The following CNMD variants were observed in gnomAD, a reference collection of about 807,000 sequenced individuals.
CNMD encodes leukocyte cell-derived chemotaxin 1.
CNMD carries 30 observed loss-of-function variants against 37.5 expected under a neutral mutation model. The ratio of observed to expected loss-of-function variants is 0.80; its 90% CI spans 0.60 to 1.09. CNMD has a LOEUF of 1.09. CNMD is among the 50% of genes least tolerant of loss of function. The pLI is 0.00. For synonymous variants in CNMD, 167 were observed against 148.2 expected (o/e 1.13, Z -0.92); for missense variants, 398 against 423.9 (o/e 0.94, Z 0.54).
chr13:52,731,921 G>T (rs192015845), intron 3 of CNMD, among the ~76,000 whole-genome samples: 1 of 152,178 alleles, frequency 6.6e-6, no homozygotes, highest in Non-Finnish European at 1.5e-5. Flanking sequence ...CTTGTGCATT[G>T]AGCAGAATCA....
chr13:52,731,071 G>A (rs1964658259), intron 3 of CNMD, among the ~76,000 whole-genome samples: 1 of 152,072 alleles, frequency 6.6e-6, no homozygotes, highest in African/African-American at 2.4e-5. Flanking sequence ...TTTTCCCTGG[G>A]CCTGGAGAGC....
Position 52,739,198 on chromosome 13 carries a change from G to C in CNMD, c.73-27C>G, listed in dbSNP as rs772439099. ...TGCGGGCCGGGGCGGGAGAGGGACC[G>C]TCGCGTTTGTGCCGCCAGCACCTGC... On this transcript the variant is annotated intron_variant, in intron 1 of 6. Coordinates refer to ENST00000377962, the MANE Select transcript of CNMD (RefSeq NM_007015.3). This position sits in a 1 kb window ranked among gnomAD's most constrained non-coding sequence, Gnocchi z 5.4. The C allele has an allele frequency of 6.9e-7, 1 of 1,450,648 alleles. No homozygotes were observed. The highest frequency in any genetic ancestry group is 2.7e-5 in the Admixed American group (1 of 36,518). The allele number at this position is 1,450,648 out of a possible 1,614,324, so 89.9% of individuals were successfully genotyped here. A position where few individuals can be genotyped will look rare whatever the true frequency, so the allele number is the denominator to read the frequency against.
chr13:52,703,705 G>T lies in CNMD; in HGVS notation c.895C>A (p.Pro299Thr), dbSNP rs373527320. 11 of 1,614,038 alleles carry T rather than the reference G, an allele frequency of 6.8e-6. No homozygotes were observed. Among genetic ancestry groups the T allele is most frequent in the South Asian group, 3.3e-5 (3 of 91,084 alleles). ...SYTHCQKICE[P>T]LGGYYPWPYN... The stretch of plus-strand genomic sequence containing the variant: ...GGCCATGGGTAATAGCCCCCCAGGG[G>T]TTCACAGATCTTCTGGCAGTGGGTG... Residue 299 changes from proline (P) to threonine (T), a missense_variant, in exon 7 of 7, where the codon CCC becomes ACC. Coordinates refer to ENST00000377962, the MANE Select transcript of CNMD (RefSeq NM_007015.3).
intron 3 of CNMD, among the ~76,000 whole-genome samples, chr13:52,728,817 C>T (rs982465992): frequency 2.0e-5 from 3 of 152,068 alleles, no homozygotes; most frequent in African/African-American, 7.2e-5. Context: ...GTCGACACAC[C>T]GCAGTGAGAA....
chr13:52,731,991 C>G (rs1252387612), intron 3 of CNMD, among the ~76,000 whole-genome samples: 1 of 152,182 alleles, frequency 6.6e-6, no homozygotes, highest in African/African-American at 2.4e-5. Flanking sequence ...CAGAGGCTGT[C>G]CCCAGGGCAG....
At chr13:52,706,837 AAC>A (rs1368770849) in intron 6 of CNMD, among the ~76,000 whole-genome samples, 1 of 151,936 alleles carries the variant, frequency 6.6e-6, no homozygotes, top group East Asian at 1.9e-4. Context: ...GTGGAAGGGA[AAC>A]ACTTTTCTTA....
intron 2 of CNMD, among the ~76,000 whole-genome samples, chr13:52,735,749 A>C (rs374275480): frequency 2.6e-5 from 4 of 151,438 alleles, no homozygotes; most frequent in African/African-American, 9.7e-5. Context: ...TGTATTCAAA[A>C]CCGCCCTGGG....
At chr13:52,730,304 G>A (rs1490442407) in intron 3 of CNMD, among the ~76,000 whole-genome samples, 4 of 152,096 alleles carry the variant, frequency 2.6e-5, no homozygotes, top group African/African-American at 9.7e-5. Context: ...TGTCTTTATA[G>A]CAGCATGATT....
chr13:52,725,572 TAACAG>T (rs1964558805), intron 3 of CNMD, among the ~76,000 whole-genome samples: 1 of 152,146 alleles, frequency 6.6e-6, no homozygotes, highest in East Asian at 1.9e-4. Flanking sequence ...ACATGAGGGG[TAACAG>T]GATGCTCTGT....
chr13:52,738,924 G>T, intron 2 of CNMD, 107 bp downstream of exon 2: 2 of 1,105,578 alleles, frequency 1.8e-6, no homozygotes, highest in Admixed American at 4.3e-5. Context: ...CGCTGGGCCC[G>T]AGGGGCCCGC....
intron 3 of CNMD, among the ~76,000 whole-genome samples, chr13:52,728,946 A>G (rs1426960081): frequency 6.6e-6 from 1 of 152,226 alleles, no homozygotes; most frequent in Non-Finnish European, 1.5e-5. Context: ...GAGGGAACTA[A>G]AAGAAGCACA....
chr13:52,726,498 G>A (rs1346371887), intron 3 of CNMD, among the ~76,000 whole-genome samples: 6 of 150,172 alleles, frequency 4.0e-5, no homozygotes, highest in Admixed American at 6.6e-5. Flanking sequence ...CACCACCGAC[G>A]CTGTTTACAG....
intron 6 of CNMD, among the ~76,000 whole-genome samples, chr13:52,706,484 T>C (rs987836152): frequency 1.3e-5 from 2 of 152,216 alleles, no homozygotes; most frequent in African/African-American, 4.8e-5. Flanking sequence ...CTTTATTTAC[T>C]CCTCATAATC....
At chr13:52,732,891 T>G (rs1964697291) in intron 3 of CNMD, among the ~76,000 whole-genome samples, 1 of 152,246 alleles carries the variant, frequency 6.6e-6, no homozygotes, top group Admixed American at 6.5e-5. Flanking sequence ...TTATTTTGAT[T>G]TCTAGGGACA....
At chr13:52,704,759 G>T (rs9536245) in intron 6 of CNMD, among the ~76,000 whole-genome samples, 6 of 152,112 alleles carry the variant, frequency 3.9e-5, no homozygotes, top group Admixed American at 6.5e-5. Flanking sequence ...TCGGGGAGTG[G>T]GGGGAGTTAT....
chr13:52,716,515 T>A (rs1213786604), intron 4 of CNMD, among the ~76,000 whole-genome samples: 1 of 152,164 alleles, frequency 6.6e-6, no homozygotes, highest in Non-Finnish European at 1.5e-5. Context: ...CAGCTTGAGT[T>A]AATTTTGTAT....
chr13:52,719,952 T>A (rs1964453374), intron 4 of CNMD, among the ~76,000 whole-genome samples: 2 of 152,350 alleles, frequency 1.3e-5, no homozygotes, highest in African/African-American at 4.8e-5. Context: ...CCCTGTCACT[T>A]TCAGGTACAC....
rs1566232239 is a variant in CNMD at position 52,733,518 on chromosome 13, ACAAT to A, written c.214-163_214-160del. ...TATATATGATGACTTCATTCATACA[ACAAT>A]CAGTTAATGCAATGATTTCCTTAAA... On this transcript the variant is annotated intron_variant, in intron 2 of 6. Coordinates refer to ENST00000377962, the MANE Select transcript of CNMD (RefSeq NM_007015.3). 6.8e-6 allele frequency: 5 copies of A among 739,440 alleles called. No individual in the cohort carries two copies. In the African/African-American group the frequency reaches 6.9e-5, roughly 10 times the overall value. The allele number at this position is 739,440 out of a possible 1,614,324, so 45.8% of individuals were successfully genotyped here. A position where few individuals can be genotyped will look rare whatever the true frequency, so the allele number is the denominator to read the frequency against.
At chr13:52,737,620 C>A (rs1187511295) in intron 2 of CNMD, among the ~76,000 whole-genome samples, 3 of 151,546 alleles carry the variant, frequency 2.0e-5, no homozygotes, top group Non-Finnish European at 4.4e-5. Context: ...GAATCTTTAC[C>A]AAAAAAAAGC....
Sources: gnomAD v4.1 joint callset for allele counts (sites outside exome capture counted in the v4.1 genomes callset) on GRCh38, gnomAD v4.1.1 for gene constraint, Gnocchi (gnomAD v3.1) non-coding constraint, MANE v1.5 for transcripts, NCBI Gene and HGNC (gene_info 2026-07-23, HGNC 2026-07-21) for gene names.